Variants in ZNF862 observed in about 807,000 individuals in gnomAD.
ZNF862 encodes zinc finger protein 862.
Under a neutral mutation model 91.1 loss-of-function variants are expected in ZNF862, and 64 were observed. That is an observed-to-expected ratio of 0.70 (90% confidence interval 0.57 to 0.87). ZNF862 has a LOEUF of 0.87. Ranked by LOEUF, ZNF862 falls within the 40% of genes least tolerant of loss-of-function variation. The probability of loss-of-function intolerance (pLI) is 0.00; values close to 1 mark genes in which losing one functional copy is unlikely to be tolerated. For missense variants in ZNF862, 1,459 were observed against 1,528.0 expected (o/e 0.95, Z 0.75); for synonymous variants, 631 against 618.1 (o/e 1.02, Z -0.31).
intron 5 of ZNF862, among the ~76,000 whole-genome samples, chr7:149,857,896 C>T (rs563904249): frequency 1.3e-5 from 2 of 152,276 alleles, no homozygotes; most frequent in East Asian, 1.9e-4. Context: ...AGACATGACT[C>T]GATCTCCCTG....
rs778568310 is a variant in ZNF862 at position 149,861,857 on chromosome 7, T to C, written c.2697T>C (p.Asp899=). The C allele has an allele frequency of 4.3e-6, 7 of 1,613,588 alleles. No homozygotes were observed. The highest frequency in any genetic ancestry group is 2.2e-5 in the East Asian group (1 of 44,838). The part of the protein sequence containing the change: ...KEEEFNASFK[D]GRLHGICLDK... The stretch of plus-strand genomic sequence containing the variant: ...AAGAATTCAACGCCAGCTTCAAGGA[T>C]GGGCGGCTCCACGGCATCTGCTTGG... The change falls in exon 7 of 8, where the codon GAT becomes GAC. Residue 899 remains aspartate (D), a synonymous_variant. Coordinates refer to ENST00000223210, the MANE Select transcript of ZNF862 (RefSeq NM_001099220.3). This position sits in a 1 kb window ranked among gnomAD's most constrained non-coding sequence, Gnocchi z 6.7.
In ZNF862 at chr7:149,861,787, A is replaced by C; in HGVS notation, c.2627A>C (p.Tyr876Ser). 6.2e-7 allele frequency: 1 copy of C among 1,613,660 alleles called. No homozygotes were observed. The highest frequency in any genetic ancestry group is 1.3e-5 in the African/African-American group (1 of 75,060). ...GTGAACGCCACGCTGGGCCGCGCCTACGTGGCACTGGAGAGCCTCCGTCAC... is the reference window on the plus strand; with the variant it reads ...GTGAACGCCACGCTGGGCCGCGCCTCCGTGGCACTGGAGAGCCTCCGTCAC... The part of the protein sequence containing the change: ...TEVNATLGRA[Y>S]VALESLRHQA... The change falls in exon 7 of 8, where the codon TAC becomes TCC. Residue 876 changes from tyrosine to serine, a missense_variant. Transcript: ENST00000223210. The surrounding 1 kb of genome is among the most constrained non-coding windows in gnomAD (Gnocchi z 6.7).
intron 1 of ZNF862, among the ~76,000 whole-genome samples, chr7:149,839,006 G>C (rs891800363): frequency 7.9e-5 from 12 of 152,224 alleles, no homozygotes; most frequent in Admixed American, 7.2e-4. Context: ...GGGAGCTGCA[G>C]GGTGGGACGC....
intron 4 of ZNF862, among the ~76,000 whole-genome samples, chr7:149,849,197 G>C (rs1801979644): frequency 6.6e-6 from 1 of 152,208 alleles, no homozygotes; most frequent in East Asian, 1.9e-4. Context: ...TGATGTTGCT[G>C]TGAGGCCGGT....
chr7:149,842,727 C>T (rs1425038849), intron 1 of ZNF862, among the ~76,000 whole-genome samples: 2 of 152,176 alleles, frequency 1.3e-5, no homozygotes, highest in African/African-American at 4.8e-5. Context: ...TTTTAACCTG[C>T]CCCAATCTGG....
At chr7:149,841,064 A>C (rs926284645) in intron 1 of ZNF862, 2 of 985,320 alleles carry the variant, frequency 2.0e-6, no homozygotes, top group African/African-American at 3.5e-5. Flanking sequence ...TCCCAAAGAT[A>C]GTTGTTTTCT....
At chr7:149,859,570 C>T (rs556155446) in intron 6 of ZNF862, 44 bp downstream of exon 6, 5 of 1,477,468 alleles carry the variant, frequency 3.4e-6, no homozygotes, top group South Asian at 1.3e-5. Flanking sequence ...GTGCCAGGGC[C>T]CAGGCGGCTA....
rs899598410 is a variant in ZNF862, at chr7:149,862,312, C to T, written c.3152C>T (p.Thr1051Ile). Residue 1051 changes from threonine to isoleucine, a missense_variant, in exon 7 of 8, where the codon ACC (threonine) becomes ATC (isoleucine). Transcript: ENST00000223210. ...RGFKAMNRIR[T>I]DERTKLSNEV... ...TTCAAGGCCATGAACCGAATCAGGA[C>T]CGATGAGAGGACCAAGCTCTCCAAC... is the stretch of plus-strand genomic sequence containing the variant. 1 of 1,613,498 alleles carries T rather than the reference C, an allele frequency of 6.2e-7. No homozygotes were observed. Among genetic ancestry groups the T allele is most frequent in the Non-Finnish European group, 8.5e-7 (1 of 1,179,730 alleles).
Position 149,866,976 on chromosome 7 carries a change from G to T in ZNF862, c.*2692G>T, listed in dbSNP as rs1443972172. On this transcript the variant is annotated 3_prime_UTR_variant, in exon 8 of 8. Coordinates refer to ENST00000223210, the MANE Select transcript of ZNF862 (RefSeq NM_001099220.3). ...AAGAAGAAAAACCACAGGGCTCTGG[G>T]AGGGGAAGAAGCATGCACTCCCGCT... The T allele has an allele frequency of 6.6e-6, 1 of 152,214 alleles. No individual in the cohort carries two copies. The highest frequency in any genetic ancestry group is 1.5e-5 in the Non-Finnish European group (1 of 68,072). 9.4% of individuals were successfully genotyped at this position (152,214 alleles called of 1,614,324 possible). A position where few individuals can be genotyped will look rare whatever the true frequency, so the allele number is the denominator to read the frequency against.
chr7:149,848,304 G>C lies in ZNF862; in HGVS notation c.811G>C (p.Asp271His), dbSNP rs776789679. The stretch of plus-strand genomic sequence containing the variant: ...AGCTGAACTAGAGGACCCTGGGGGG[G>C]ATGGAGCAATTCCTGCAATGTATCT... Reference protein sequence around the residue: ...SRAELEDPGGDGAIPAMYLDC... With the variant: ...SRAELEDPGGHGAIPAMYLDC... The change falls in exon 4 of 8, where the codon GAT (aspartate) becomes CAT (histidine). Residue 271 changes from aspartate (D) to histidine (H), a missense_variant. Asp to His is a moderately conservative substitution (Grantham distance 81). Coordinates refer to ENST00000223210, the MANE Select transcript of ZNF862 (RefSeq NM_001099220.3). 1.6e-5 allele frequency: 25 copies of C among 1,608,152 alleles called. No homozygotes were observed. Among genetic ancestry groups the C allele is most frequent in the East Asian group, 8.9e-5 (4 of 44,770 alleles).
chr7:149,843,995 A>G (rs1294240404), intron 1 of ZNF862, among the ~76,000 whole-genome samples: 1 of 151,886 alleles, frequency 6.6e-6, no homozygotes, highest in Non-Finnish European at 1.5e-5. Flanking sequence ...TGCGCCCCCT[A>G]TTATAGTGGG....
At chr7:149,847,499 G>A (rs1461833962) in intron 3 of ZNF862, among the ~76,000 whole-genome samples, 1 of 152,100 alleles carries the variant, frequency 6.6e-6, no homozygotes, top group African/African-American at 2.4e-5. Flanking sequence ...ACAAAAAGGA[G>A]GGGGAGGGTT....
At chr7:149,843,821 C>T (rs117858479) in intron 1 of ZNF862, among the ~76,000 whole-genome samples, 3,903 of 152,270 alleles carry the variant, frequency 0.026, 87 homozygotes, top group South Asian at 0.035. Context: ...TGGAGGTTTC[C>T]GGTGCTGGAA....
Position 149,838,589 on chromosome 7 carries a change from C to T in ZNF862, c.-23C>T. ...GCCAGGCCGCGGGGGGAGGGGGCGG[C>T]ACGGGCCTCCGAAAGCGGGGCCATG... is the stretch of plus-strand genomic sequence containing the variant. On this transcript the variant is annotated 5_prime_UTR_variant, in exon 1 of 8. Coordinates refer to ENST00000223210, the MANE Select transcript of ZNF862 (RefSeq NM_001099220.3). 8.2e-7 allele frequency: 1 copy of T among 1,218,834 alleles called. No homozygotes were observed. Among genetic ancestry groups the T allele is most frequent in the Non-Finnish European group, 1.0e-6 (1 of 975,048 alleles). 75.5% of individuals were successfully genotyped at this position (1,218,834 alleles called of 1,614,324 possible). A position where few individuals can be genotyped will look rare whatever the true frequency, so the allele number is the denominator to read the frequency against.
chr7:149,861,779 C>T lies in ZNF862; in HGVS notation c.2619C>T (p.Gly873=). The change falls in exon 7 of 8, where the codon GGC becomes GGT. Residue 873 remains glycine (G), a synonymous_variant. Transcript: ENST00000223210. The surrounding 1 kb of genome is among the most constrained non-coding windows in gnomAD (Gnocchi z 6.7). ...VLITEVNATL[G]RAYVALESLR... ...TTACAGAGGTGAACGCCACGCTGGG[C>T]CGCGCCTACGTGGCACTGGAGAGCC... is the stretch of plus-strand genomic sequence containing the variant. The T allele has an allele frequency of 6.2e-7, 1 of 1,613,560 alleles. No homozygotes were observed. The highest frequency in any genetic ancestry group is 1.7e-5 in the Admixed American group (1 of 60,010).
In ZNF862 at chr7:149,866,733, C is replaced by G. The variant is rs1034632289; in HGVS notation, c.*2449C>G. The G allele has an allele frequency of 6.6e-6, 1 of 152,202 alleles. No homozygotes were observed. Among genetic ancestry groups the G allele is most frequent in the Admixed American group, 6.5e-5 (1 of 15,276 alleles). 9.4% of individuals were successfully genotyped at this position (152,202 alleles called of 1,614,324 possible). A position where few individuals can be genotyped will look rare whatever the true frequency, so the allele number is the denominator to read the frequency against. ...TTTCTCAAGGGGCACAGGCCTGCTCCGTTCCCCTTTGTCAGCCAATGGCCA... is the reference window on the plus strand; with the variant it reads ...TTTCTCAAGGGGCACAGGCCTGCTCGGTTCCCCTTTGTCAGCCAATGGCCA... On this transcript the variant is annotated 3_prime_UTR_variant, in exon 8 of 8. Coordinates refer to ENST00000223210, the MANE Select transcript of ZNF862 (RefSeq NM_001099220.3).
rs780103544 is a variant in ZNF862, at chr7:149,848,205, G to T, written c.712G>T (p.Asp238Tyr). 4 of 1,613,898 alleles carry T rather than the reference G, an allele frequency of 2.5e-6. No homozygotes were observed. The highest frequency in any genetic ancestry group is 3.4e-6 in the Non-Finnish European group (4 of 1,179,896). The stretch of plus-strand genomic sequence containing the variant: ...CAGCCCGGAGCCGCTCTTCACTGCA[G>T]ATTGCCCCATATTCTACCCCCCAGG... The part of the protein sequence containing the change: ...LASPEPLFTA[D>Y]CPIFYPPGPL... Residue 238 changes from aspartate (D) to tyrosine (Y), a missense_variant, in exon 4 of 8, where the codon GAT becomes TAT. Transcript: ENST00000223210.
At chr7:149,860,352 A>G in intron 6 of ZNF862, 31 bp from the exon 7 acceptor site, 1 of 1,579,000 alleles carries the variant, frequency 6.3e-7, no homozygotes, top group Non-Finnish European at 8.6e-7. Flanking sequence ...TCTGGGTAGC[A>G]GAACCAAGCA....
At chr7:149,846,877 A>G (rs1801891500) in intron 3 of ZNF862, among the ~76,000 whole-genome samples, 1 of 151,960 alleles carries the variant, frequency 6.6e-6, no homozygotes, top group Admixed American at 6.5e-5. Flanking sequence ...GGAAAGTATC[A>G]TAGAGACAAA....
Sources: allele counts gnomAD v4.1 joint callset (sites outside exome capture counted in the v4.1 genomes callset), GRCh38; gene constraint gnomAD v4.1.1; non-coding constraint Gnocchi (gnomAD v3.1); transcripts MANE v1.5; gene names NCBI Gene and HGNC (gene_info 2026-07-23, HGNC 2026-07-21).